Variants in PLCXD3 observed in about 807,000 individuals in gnomAD.
PLCXD3 encodes phosphatidylinositol specific phospholipase C X domain containing 3, also known as PI-PLC X domain-containing protein 3.
A neutral mutation model predicts 25.5 loss-of-function variants in PLCXD3; 19 were observed. That is an observed-to-expected ratio of 0.75 (90% CI 0.52 to 1.09). PLCXD3 has a LOEUF of 1.09. Among genes scored for constraint, PLCXD3 ranks in the 50% least tolerant of loss-of-function variants. The pLI, the probability that PLCXD3 is intolerant of heterozygous loss-of-function variation, is 0.00. For synonymous variants in PLCXD3, 174 were observed against 137.6 expected (o/e 1.26, Z -1.85); for missense variants, 411 against 388.1 (o/e 1.06, Z -0.50).
rs202046569 is a variant in PLCXD3 at position 41,345,876 on chromosome 5, CT to C, written c.813-32107del. ...CTTTTCTTTTTTTCTTTTTTCTTTT[CT>C]TTTTTTTATTTTTTCTTTTTGAGAC... On this transcript the variant is annotated intron_variant, in intron 2 of 2. Coordinates refer to ENST00000377801, the MANE Select transcript of PLCXD3 (RefSeq NM_001005473.3). Among the ~76,000 whole-genome samples the C allele has an allele frequency of 1.2e-3, 165 of 134,886 alleles. 1 individual carries two copies. Among genetic ancestry groups the C allele is most frequent in the Middle Eastern group, 3.7e-3 (1 of 270 alleles). 88.5% of individuals were successfully genotyped at this position (134,886 alleles called of 152,430 possible).
chr5:41,498,140 A>G (rs897924694), intron 1 of PLCXD3, among the ~76,000 whole-genome samples: 1 of 151,728 alleles, frequency 6.6e-6, no homozygotes, highest in Non-Finnish European at 1.5e-5. Flanking sequence ...TAGAAAAAGA[A>G]TGGCAATCTA....
intron 2 of PLCXD3, among the ~76,000 whole-genome samples, chr5:41,348,329 T>C (rs1364287461): frequency 6.6e-6 from 1 of 152,170 alleles, no homozygotes; most frequent in Non-Finnish European, 1.5e-5. Flanking sequence ...AAAGAAGTAA[T>C]CATGGTACAG....
chr5:41,416,020 T>C (rs962803155), intron 1 of PLCXD3, among the ~76,000 whole-genome samples: 2 of 152,110 alleles, frequency 1.3e-5, no homozygotes, highest in African/African-American at 4.8e-5. Flanking sequence ...ATAATGAAGA[T>C]GCCTTGAGAG....
At chr5:41,475,947 G>T (rs886161248) in intron 1 of PLCXD3, among the ~76,000 whole-genome samples, 1 of 152,192 alleles carries the variant, frequency 6.6e-6, no homozygotes, top group African/African-American at 2.4e-5. Flanking sequence ...ATAGCCCTTT[G>T]TATTTATTGG....
At chr5:41,317,762 T>G (rs1054373380) in intron 2 of PLCXD3, among the ~76,000 whole-genome samples, 12 of 151,760 alleles carry the variant, frequency 7.9e-5, no homozygotes, top group African/African-American at 2.4e-4. Context: ...AATGGCAGAA[T>G]GGATCAAGCA....
At chr5:41,364,873 T>C (rs1181886111) in intron 2 of PLCXD3, among the ~76,000 whole-genome samples, 1 of 152,236 alleles carries the variant, frequency 6.6e-6, no homozygotes, top group Non-Finnish European at 1.5e-5. Context: ...TATCTTGGCA[T>C]GTAAACTGTG....
chr5:41,394,159 AAT>A, intron 1 of PLCXD3, among the ~76,000 whole-genome samples: 1 of 152,302 alleles, frequency 6.6e-6, no homozygotes. Context: ...ACAAAGTTAA[AAT>A]AGAGTTTTTA....
Position 41,377,842 on chromosome 5 carries a change from G to A in PLCXD3, c.812+3984C>T, listed in dbSNP as rs1048484157. Among the ~76,000 whole-genome samples the A allele has an allele frequency of 4.6e-5, 7 of 152,148 alleles. No individual in the cohort carries two copies. In the East Asian group the frequency reaches 9.7e-4, roughly 21 times the overall value. ...TAGAGAAACTAGCTAGTCAAATGGA[G>A]GATCTTGGAACTGTAGGATTTACAA... On this transcript the variant is annotated intron_variant, in intron 2 of 2. Coordinates refer to ENST00000377801, the MANE Select transcript of PLCXD3 (RefSeq NM_001005473.3).
chr5:41,440,641 A>G (rs1055889176), intron 1 of PLCXD3, among the ~76,000 whole-genome samples: 6 of 152,188 alleles, frequency 3.9e-5, no homozygotes, highest in Non-Finnish European at 1.5e-5. Flanking sequence ...ATATATGTAC[A>G]TAGAGGAGTG....
chr5:41,393,928 A>C (rs940915269), intron 1 of PLCXD3, among the ~76,000 whole-genome samples: 13 of 152,154 alleles, frequency 8.5e-5, no homozygotes, highest in Admixed American at 8.5e-4. Context: ...AGAATCCATC[A>C]AAAAAAGAAA....
At position 41,313,434 on chromosome 5, in the gene PLCXD3, T is replaced by A. The variant is rs1305004648; in HGVS notation, c.*183A>T. 3.6e-5 allele frequency: 19 copies of A among 532,498 alleles called. No individual in the cohort carries two copies. In the East Asian group the frequency reaches 6.2e-4, roughly 17 times the overall value. The allele number at this position is 532,498 out of a possible 1,614,324, so 33.0% of individuals were successfully genotyped here. A position where few individuals can be genotyped will look rare whatever the true frequency, so the allele number is the denominator to read the frequency against. ...GCTCATCAAATGGGAAATGAAATAT[T>A]TATAGTAATGAAGAGTATGATTGTA... On this transcript the variant is annotated 3_prime_UTR_variant, in exon 3 of 3. Coordinates refer to ENST00000377801, the MANE Select transcript of PLCXD3 (RefSeq NM_001005473.3).
At chr5:41,380,829 A>C (rs1038724267) in intron 2 of PLCXD3, among the ~76,000 whole-genome samples, 1 of 152,126 alleles carries the variant, frequency 6.6e-6, no homozygotes, top group Non-Finnish European at 1.5e-5. Flanking sequence ...TTAATATTTT[A>C]ACTCAAAAGA....
intron 2 of PLCXD3, among the ~76,000 whole-genome samples, chr5:41,378,647 G>A (rs1295723128): frequency 1.3e-5 from 2 of 152,046 alleles, no homozygotes; most frequent in African/African-American, 4.8e-5. Flanking sequence ...CAAAATTTAA[G>A]TGCTTGGAAA....
intron 1 of PLCXD3, among the ~76,000 whole-genome samples, chr5:41,441,140 C>A (rs527574790): frequency 6.6e-6 from 1 of 152,168 alleles, no homozygotes; most frequent in Non-Finnish European, 1.5e-5. Context: ...GATAGTTCAA[C>A]TGGGCTTTCG....
chr5:41,441,766 A>G (rs1382766276), intron 1 of PLCXD3, among the ~76,000 whole-genome samples: 5 of 152,186 alleles, frequency 3.3e-5, no homozygotes, highest in Non-Finnish European at 7.3e-5. Context: ...GATTATCCCA[A>G]CTCTGTGTAT....
chr5:41,484,028 G>T (rs1005799470), intron 1 of PLCXD3, among the ~76,000 whole-genome samples: 1 of 152,006 alleles, frequency 6.6e-6, no homozygotes, highest in Admixed American at 6.6e-5. Context: ...CTTCTAATAT[G>T]TAAGAAAATG....
intron 1 of PLCXD3, among the ~76,000 whole-genome samples, chr5:41,389,078 C>A (rs1239784048): frequency 1.3e-5 from 2 of 151,318 alleles, no homozygotes; most frequent in Non-Finnish European, 2.9e-5. Flanking sequence ...GATAGGAAGG[C>A]CTCTGATTTA....
At chr5:41,322,530 C>T (rs1163324033) in intron 2 of PLCXD3, among the ~76,000 whole-genome samples, 2 of 152,170 alleles carry the variant, frequency 1.3e-5, no homozygotes, top group Admixed American at 6.5e-5. Context: ...ATCGAGCTAC[C>T]AAGTGATCCA....
At chr5:41,323,718 T>C (rs752186521) in intron 2 of PLCXD3, among the ~76,000 whole-genome samples, 1 of 152,072 alleles carries the variant, frequency 6.6e-6, no homozygotes, top group Non-Finnish European at 1.5e-5. Flanking sequence ...GTAGCAGCAG[T>C]GTATATATAT....
Sources: gnomAD v4.1 joint callset for allele counts (sites outside exome capture counted in the v4.1 genomes callset) on GRCh38, gnomAD v4.1.1 for gene constraint, MANE v1.5 for transcripts, NCBI Gene and HGNC (gene_info 2026-07-23, HGNC 2026-07-21) for gene names.